TAFA1: variants seen among roughly 807,000 people sequenced by gnomAD.
TAFA1 encodes chemokine-like protein TAFA-1.
TAFA1 carries 4 observed loss-of-function variants against 18.5 expected under a neutral mutation model. That is an observed-to-expected ratio of 0.22 (90% CI 0.11 to 0.49). TAFA1 has a LOEUF of 0.49. Among genes scored for constraint, TAFA1 ranks in the 20% least tolerant of loss-of-function variants. TAFA1 has a pLI of 0.98. For missense variants in TAFA1, 147 were observed against 169.0 expected (o/e 0.87, Z 0.72); for synonymous variants, 56 against 55.2 (o/e 1.01, Z -0.06).
At chr3:68,108,464 ATGTG>A (rs61053326) in intron 2 of TAFA1, among the ~76,000 whole-genome samples, 2 of 150,240 alleles carry the variant, frequency 1.3e-5, no homozygotes, top group Non-Finnish European at 3.0e-5. Flanking sequence ...GTGTGTGTGC[ATGTG>A]TGTGTGTGTA....
At chr3:68,449,083 A>G (rs2071522732) in intron 3 of TAFA1, among the ~76,000 whole-genome samples, 1 of 152,164 alleles carries the variant, frequency 6.6e-6, no homozygotes, top group Admixed American at 6.5e-5. Flanking sequence ...CTTCAAGGAG[A>G]TTGGAGTCTA....
intron 2 of TAFA1, among the ~76,000 whole-genome samples, chr3:68,269,970 A>T (rs2067631145): frequency 1.3e-5 from 2 of 152,116 alleles, no homozygotes; most frequent in Non-Finnish European, 2.9e-5. Context: ...TGTTACTCAG[A>T]TGTGCATTTG....
At chr3:68,475,148 T>A (rs1474984557) in intron 3 of TAFA1, among the ~76,000 whole-genome samples, 1 of 151,936 alleles carries the variant, frequency 6.6e-6, no homozygotes, top group Non-Finnish European at 1.5e-5. Flanking sequence ...TATTTTTTTT[T>A]AATCTCTTTT....
At chr3:68,111,699 CAAAT>C (rs964819171) in intron 2 of TAFA1, among the ~76,000 whole-genome samples, 3 of 147,388 alleles carry the variant, frequency 2.0e-5, no homozygotes, top group African/African-American at 7.5e-5. Context: ...TTTAGGATAA[CAAAT>C]AAAATAATTT....
At chr3:68,468,686 A>G (rs192687036) in intron 3 of TAFA1, among the ~76,000 whole-genome samples, 2 of 152,324 alleles carry the variant, frequency 1.3e-5, no homozygotes, top group Admixed American at 1.3e-4. Flanking sequence ...GATTTCAATT[A>G]CAGTATTTGT....
At chr3:68,308,177 C>G (rs2106668320) in intron 2 of TAFA1, among the ~76,000 whole-genome samples, 1 of 152,012 alleles carries the variant, frequency 6.6e-6, no homozygotes, top group Non-Finnish European at 1.5e-5. Context: ...TTCAGAGGAC[C>G]CCAGAAGGCT....
At chr3:68,066,058 G>C (rs923218639) in intron 2 of TAFA1, among the ~76,000 whole-genome samples, 26 of 152,256 alleles carry the variant, frequency 1.7e-4, no homozygotes, top group African/African-American at 6.3e-4. Context: ...AAGCAGATCA[G>C]TAGTTACTTG....
chr3:68,421,842 T>C (rs1246753297), intron 3 of TAFA1, among the ~76,000 whole-genome samples: 1 of 152,110 alleles, frequency 6.6e-6, no homozygotes, highest in African/African-American at 2.4e-5. Context: ...TTTTTATGAG[T>C]TTTGTTTCAT....
intron 3 of TAFA1, among the ~76,000 whole-genome samples, chr3:68,524,148 G>A (rs1419015314): frequency 6.6e-6 from 1 of 152,148 alleles, no homozygotes; most frequent in African/African-American, 2.4e-5. Context: ...CCTGGAATCA[G>A]GGTGGCCTCT....
intron 3 of TAFA1, among the ~76,000 whole-genome samples, chr3:68,433,216 C>T (rs894719907): frequency 6.6e-6 from 1 of 151,986 alleles, no homozygotes; most frequent in Non-Finnish European, 1.5e-5. Flanking sequence ...ACATCTTTGC[C>T]TTTCTTCACT....
intron 3 of TAFA1, among the ~76,000 whole-genome samples, chr3:68,461,487 T>C (rs918474661): frequency 1.3e-5 from 2 of 151,212 alleles, no homozygotes; most frequent in Non-Finnish European, 2.9e-5. Flanking sequence ...TCTCAGCCGC[T>C]CTGGCTGTTC....
chr3:68,216,571 C>A (rs954754343), intron 2 of TAFA1, among the ~76,000 whole-genome samples: 1 of 152,144 alleles, frequency 6.6e-6, no homozygotes, highest in East Asian at 1.9e-4. Flanking sequence ...TTGTTATACA[C>A]GTATATTTCC....
At chr3:68,412,035 T>C (rs1453481173) in intron 2 of TAFA1, among the ~76,000 whole-genome samples, 1 of 152,146 alleles carries the variant, frequency 6.6e-6, no homozygotes, top group African/African-American at 2.4e-5. Flanking sequence ...GAGGCCATAG[T>C]TCAACTTGTC....
chr3:68,018,511 G>A (rs182849771), intron 2 of TAFA1, among the ~76,000 whole-genome samples: 21 of 152,188 alleles, frequency 1.4e-4, no homozygotes, highest in Admixed American at 1.4e-3. Flanking sequence ...CACCTCCTAG[G>A]GGCGGAGGAC....
intron 2 of TAFA1, among the ~76,000 whole-genome samples, chr3:68,276,014 C>T (rs569334592): frequency 1.3e-5 from 2 of 152,174 alleles, no homozygotes; most frequent in South Asian, 4.2e-4. Flanking sequence ...ACCTGTTAGA[C>T]TCTCAGTAAA....
At chr3:68,099,909 A>C (rs1225941159) in intron 2 of TAFA1, among the ~76,000 whole-genome samples, 1 of 152,090 alleles carries the variant, frequency 6.6e-6, no homozygotes, top group African/African-American at 2.4e-5. Flanking sequence ...AGAAAAGCAA[A>C]TATCACATAT....
At chr3:68,036,305 G>T (rs1206850488) in intron 2 of TAFA1, among the ~76,000 whole-genome samples, 1 of 151,928 alleles carries the variant, frequency 6.6e-6, no homozygotes, top group Non-Finnish European at 1.5e-5. Context: ...CATGCATGGT[G>T]GTGTGCACCT....
chr3:68,214,741 G>A (rs1255805307), intron 2 of TAFA1, among the ~76,000 whole-genome samples: 1 of 152,036 alleles, frequency 6.6e-6, no homozygotes, highest in Non-Finnish European at 1.5e-5. Context: ...GTTATCATCA[G>A]CAACTGCAGT....
At chr3:68,234,148 G>A (rs2066901918) in intron 2 of TAFA1, among the ~76,000 whole-genome samples, 1 of 152,166 alleles carries the variant, frequency 6.6e-6, no homozygotes, top group Admixed American at 6.5e-5. Flanking sequence ...AGCTGGGGTG[G>A]TGATTGCTTG....
Sources: allele counts gnomAD v4.1 joint callset (sites outside exome capture counted in the v4.1 genomes callset), GRCh38; gene constraint gnomAD v4.1.1; transcripts MANE v1.5; gene names NCBI Gene and HGNC (gene_info 2026-07-23, HGNC 2026-07-21).